NAALADL2: variants seen among roughly 807,000 people sequenced by gnomAD.
The protein encoded by NAALADL2 is N-acetylated alpha-linked acidic dipeptidase like 2.
Under a neutral mutation model 87.2 loss-of-function variants are expected in NAALADL2, and 76 were observed. The ratio of observed to expected loss-of-function variants is 0.87; its 90% CI spans 0.72 to 1.05. NAALADL2 has a LOEUF of 1.05. NAALADL2 is among the 50% of genes least tolerant of loss of function. The pLI is 0.00. For missense variants in NAALADL2, 1,089 were observed against 945.8 expected (o/e 1.15, Z -1.99); for synonymous variants, 354 against 331.0 (o/e 1.07, Z -0.75).
chr3:174,780,449 C>T (rs1316969312), intron 3 of NAALADL2, among the ~76,000 whole-genome samples: 1 of 152,114 alleles, frequency 6.6e-6, no homozygotes, highest in Non-Finnish European at 1.5e-5. Context: ...TTGACCTCCT[C>T]TCTTCTATAT....
chr3:175,062,103 T>C (rs1273983444), intron 1 of NAALADL2, among the ~76,000 whole-genome samples: 1 of 136,090 alleles, frequency 7.3e-6, no homozygotes, highest in Non-Finnish European at 1.5e-5. Context: ...TGGAAAGAGA[T>C]GGTGTTAACT....
intron 2 of NAALADL2, among the ~76,000 whole-genome samples, chr3:174,637,088 A>C (rs2108717148): frequency 6.6e-6 from 1 of 152,268 alleles, no homozygotes; most frequent in East Asian, 1.9e-4. Flanking sequence ...TAAGTATCAC[A>C]TGTTCTCATT....
intron 1 of NAALADL2, among the ~76,000 whole-genome samples, chr3:174,882,631 A>C (rs1369112931): frequency 2.2e-5 from 2 of 89,394 alleles, no homozygotes; most frequent in Non-Finnish European, 4.8e-5. Context: ...ATATATGTGC[A>C]TATACACATA....
chr3:174,723,783 A>AAT (rs397943341), intron 2 of NAALADL2, among the ~76,000 whole-genome samples: 19 of 147,306 alleles, frequency 1.3e-4, no homozygotes, highest in Admixed American at 4.1e-4. Flanking sequence ...AAAAAAAAAA[A>AAT]GCCTAGATAG....
intron 1 of NAALADL2, among the ~76,000 whole-genome samples, chr3:174,997,824 C>A (rs982917965): frequency 1.4e-5 from 2 of 144,452 alleles, no homozygotes; most frequent in Non-Finnish European, 3.0e-5. Flanking sequence ...CTCAAAAAAA[C>A]CAAAAAGCAA....
intron 5 of NAALADL2, among the ~76,000 whole-genome samples, chr3:175,423,637 G>A (rs1716263215): frequency 6.6e-6 from 1 of 152,126 alleles, no homozygotes; most frequent in African/African-American, 2.4e-5. Flanking sequence ...TGGTGTGTAT[G>A]TGCCACATTT....
chr3:175,523,210 A>G (rs914904898), intron 9 of NAALADL2, among the ~76,000 whole-genome samples: 3 of 152,232 alleles, frequency 2.0e-5, no homozygotes, highest in African/African-American at 7.2e-5. Context: ...TTTAGTTGTA[A>G]TAACTGGAGA....
At chr3:175,238,720 T>C (rs1223672450) in intron 3 of NAALADL2, among the ~76,000 whole-genome samples, 2 of 152,194 alleles carry the variant, frequency 1.3e-5, no homozygotes, top group African/African-American at 2.4e-5. Flanking sequence ...CATGTTCTAA[T>C]AGATAAGGCG....
At chr3:175,201,275 GA>G (rs1560156318) in intron 2 of NAALADL2, among the ~76,000 whole-genome samples, 1 of 152,126 alleles carries the variant, frequency 6.6e-6, no homozygotes, top group African/African-American at 2.4e-5. Flanking sequence ...TCTGGTTGAT[GA>G]AAACATGTCA....
intron 1 of NAALADL2, among the ~76,000 whole-genome samples, chr3:174,550,025 TC>T (rs2108488605): frequency 6.6e-6 from 1 of 152,260 alleles, no homozygotes; most frequent in African/African-American, 2.4e-5. Context: ...CAGGACAATT[TC>T]TTGAGATCAT....
intron 1 of NAALADL2, among the ~76,000 whole-genome samples, chr3:174,489,905 A>C (rs1164050499): frequency 1.3e-5 from 2 of 152,076 alleles, no homozygotes; most frequent in Non-Finnish European, 2.9e-5. Flanking sequence ...TGCATCAGCA[A>C]GTATTGGTGA....
intron 5 of NAALADL2, among the ~76,000 whole-genome samples, chr3:175,437,319 G>A (rs1327640350): frequency 2.1e-5 from 3 of 144,636 alleles, no homozygotes; most frequent in East Asian, 2.0e-4. Flanking sequence ...GACAAACAGA[G>A]AGCCAAATCA....
At chr3:175,379,561 T>G (rs537757064) in intron 5 of NAALADL2, among the ~76,000 whole-genome samples, 2 of 150,414 alleles carry the variant, frequency 1.3e-5, no homozygotes, top group Non-Finnish European at 3.0e-5. Flanking sequence ...TAAGATGGAG[T>G]CTCACTCTGT....
chr3:174,928,686 A>C, intron 1 of NAALADL2, among the ~76,000 whole-genome samples: 1 of 152,350 alleles, frequency 6.6e-6, no homozygotes, highest in East Asian at 1.9e-4. Flanking sequence ...CAATTTTAAT[A>C]TTTAGGTCAT....
intron 11 of NAALADL2, among the ~76,000 whole-genome samples, chr3:175,732,396 C>T (rs556267218): frequency 6.6e-6 from 1 of 152,160 alleles, no homozygotes; most frequent in Non-Finnish European, 1.5e-5. Context: ...TATTATTAGG[C>T]ATAATAAATG....
chr3:175,672,313 A>C (rs1734112839), intron 11 of NAALADL2, among the ~76,000 whole-genome samples: 1 of 152,136 alleles, frequency 6.6e-6, no homozygotes, highest in African/African-American at 2.4e-5. Context: ...AGTGAGCATA[A>C]ATACCGATTC....
At chr3:174,956,274 C>T (rs914376736) in intron 1 of NAALADL2, among the ~76,000 whole-genome samples, 2 of 152,000 alleles carry the variant, frequency 1.3e-5, no homozygotes, top group Non-Finnish European at 1.5e-5. Context: ...CTTGTAGTCT[C>T]TTATGGACTC....
intron 11 of NAALADL2, among the ~76,000 whole-genome samples, chr3:175,711,012 T>C (rs1294393996): frequency 1.3e-5 from 2 of 151,972 alleles, no homozygotes; most frequent in African/African-American, 2.4e-5. Flanking sequence ...TTTTAGCATT[T>C]ACCTCCAAAA....
chr3:175,443,199 T>G (rs1720104310), intron 5 of NAALADL2, among the ~76,000 whole-genome samples: 1 of 152,148 alleles, frequency 6.6e-6, no homozygotes, highest in African/African-American at 2.4e-5. Flanking sequence ...GGTAAAAAAT[T>G]AATGAGGCAC....
Sources: allele counts gnomAD v4.1 joint callset (sites outside exome capture counted in the v4.1 genomes callset), GRCh38; gene constraint gnomAD v4.1.1; transcripts MANE v1.5; gene names NCBI Gene and HGNC (gene_info 2026-07-23, HGNC 2026-07-21).